The following MBP variants were observed in gnomAD, a reference collection of about 807,000 sequenced individuals.
MBP encodes myelin basic protein.
In MBP, 16 loss-of-function variants were observed where a neutral mutation model predicts 35.8. The ratio of observed to expected loss-of-function variants is 0.45; its 90% CI spans 0.30 to 0.68. MBP has a LOEUF of 0.68. Among genes scored for constraint, MBP ranks in the 30% least tolerant of loss-of-function variants. The pLI, the probability that MBP is intolerant of heterozygous loss-of-function variation, is 0.08. For missense variants in MBP, 380 were observed against 404.7 expected (o/e 0.94, Z 0.52); for synonymous variants, 143 against 159.6 (o/e 0.90, Z 0.78).
intron 3 of MBP, among the ~76,000 whole-genome samples, chr18:77,019,117 T>C (rs1228447174): frequency 6.6e-6 from 1 of 151,812 alleles, no homozygotes; most frequent in Non-Finnish European, 1.5e-5. Context: ...TAATGTACCA[T>C]TCTAAATATC....
chr18:77,001,229 G>T (rs1043036391), intron 4 of MBP, among the ~76,000 whole-genome samples: 1 of 152,044 alleles, frequency 6.6e-6, no homozygotes, highest in African/African-American at 2.4e-5. Flanking sequence ...TCAGCCTCCA[G>T]GTGGGACCAT....
intron 2 of MBP, among the ~76,000 whole-genome samples, chr18:77,068,262 G>T (rs558155330): frequency 6.6e-6 from 1 of 152,298 alleles, no homozygotes; most frequent in African/African-American, 2.4e-5. Flanking sequence ...GGTTTGGACT[G>T]AGCTCCTGCA....
At chr18:77,088,434 T>C (rs1975358535) in intron 2 of MBP, among the ~76,000 whole-genome samples, 1 of 152,198 alleles carries the variant, frequency 6.6e-6, no homozygotes, top group African/African-American at 2.4e-5. Context: ...GTATGACTGT[T>C]GGGGCCACCA....
At chr18:77,024,158 T>G (rs944858002) in intron 3 of MBP, among the ~76,000 whole-genome samples, 2 of 152,258 alleles carry the variant, frequency 1.3e-5, no homozygotes, top group African/African-American at 4.8e-5. Context: ...TTGTCCAACC[T>G]GCAGCCCACA....
chr18:77,105,057 T>C (rs202027267), intron 2 of MBP, among the ~76,000 whole-genome samples, 154 bp downstream of exon 2: 1 of 117,808 alleles, frequency 8.5e-6, no homozygotes, highest in South Asian at 2.8e-4. Flanking sequence ...CATAATTAAT[T>C]ATTAATAATA....
rs981412187 is a variant in MBP, at chr18:77,016,544, A to G, written c.576+288T>C. ...ATGTGGCTCTCTTTCTGCAACGCCC[A>G]TGTCCAGGCACCCTTAGAGATCCAG... On this transcript the variant is annotated intron_variant, in intron 4 of 8. Coordinates refer to ENST00000355994, the MANE Select transcript of MBP (RefSeq NM_001025101.2). 49 of 1,279,538 alleles carry G rather than the reference A, an allele frequency of 3.8e-5. 1 individual carries two copies. The highest frequency in any genetic ancestry group is 3.0e-4 in the Middle Eastern group (1 of 3,288). 79.3% of individuals were successfully genotyped at this position (1,279,538 alleles called of 1,614,324 possible).
chr18:77,072,295 T>A (rs963798679), intron 2 of MBP, among the ~76,000 whole-genome samples: 2 of 152,236 alleles, frequency 1.3e-5, no homozygotes. Context: ...GGCAGATATT[T>A]CTTTAAGTTT....
At chr18:77,062,810 C>T (rs1013411678) in intron 3 of MBP, among the ~76,000 whole-genome samples, 3 of 152,186 alleles carry the variant, frequency 2.0e-5, no homozygotes, top group Non-Finnish European at 4.4e-5. Context: ...AGTCTTAACT[C>T]GGGGACTCTC....
chr18:77,010,899 A>T (rs115370645), intron 4 of MBP, among the ~76,000 whole-genome samples: 282 of 152,332 alleles, frequency 1.9e-3, no homozygotes, highest in African/African-American at 6.4e-3. Context: ...AGACAGAGAG[A>T]GAAGAGAAAG....
chr18:77,021,739 C>T (rs972779564), intron 3 of MBP, among the ~76,000 whole-genome samples: 1 of 152,198 alleles, frequency 6.6e-6, no homozygotes, highest in Non-Finnish European at 1.5e-5. Flanking sequence ...TGCCTCGGCC[C>T]CGCAAAGTGC....
intron 3 of MBP, among the ~76,000 whole-genome samples, chr18:77,046,821 G>T (rs1184300359): frequency 6.6e-6 from 1 of 152,224 alleles, no homozygotes; most frequent in African/African-American, 2.4e-5. Context: ...TTGTTCTGGT[G>T]TAAGTACTGG....
intron 3 of MBP, among the ~76,000 whole-genome samples, chr18:77,041,402 A>G (rs1599126258): frequency 6.6e-6 from 1 of 152,192 alleles, no homozygotes; most frequent in African/African-American, 2.4e-5. Context: ...TAGAAATGCC[A>G]TTTGACCCAG....
chr18:77,006,316 C>T (rs1398443905), intron 4 of MBP: 1 of 152,376 alleles, frequency 6.6e-6, no homozygotes, highest in Non-Finnish European at 1.5e-5. Flanking sequence ...GCAGCCCCTT[C>T]CTGCTCAGGT....
Position 76,989,843 on chromosome 18 carries a change from G to T in MBP, c.681+113C>A, listed in dbSNP as rs753405658. The T allele has an allele frequency of 3.4e-6, 3 of 887,292 alleles. No individual in the cohort carries two copies. Among genetic ancestry groups the T allele is most frequent in the East Asian group, 5.2e-5 (2 of 38,206 alleles). 55.0% of individuals were successfully genotyped at this position (887,292 alleles called of 1,614,324 possible). A position where few individuals can be genotyped will look rare whatever the true frequency, so the allele number is the denominator to read the frequency against. On this transcript the variant is annotated intron_variant, in intron 5 of 8. Transcript: ENST00000355994. The surrounding 1 kb of genome is among the most constrained non-coding windows in gnomAD (Gnocchi z 4.0). ...GTTCCCCGGCCGGCCTCACCCTGAT[G>T]ATGACCCCGGTGCCACCCCCGAGCG...
intron 1 of MBP, among the ~76,000 whole-genome samples, chr18:77,119,514 C>G (rs983774718): frequency 1.3e-5 from 2 of 152,152 alleles, no homozygotes; most frequent in Non-Finnish European, 1.5e-5. Context: ...ACACAGCACA[C>G]AGTAGGCACA....
chr18:77,068,250 C>A (rs957801410), intron 2 of MBP, among the ~76,000 whole-genome samples: 4 of 152,192 alleles, frequency 2.6e-5, no homozygotes, highest in African/African-American at 9.7e-5. Context: ...TAAGAGGACA[C>A]TGGTTTGGAC....
At chr18:77,047,505 C>G (rs975043564) in intron 3 of MBP, among the ~76,000 whole-genome samples, 1 of 152,284 alleles carries the variant, frequency 6.6e-6, no homozygotes, top group Non-Finnish European at 1.5e-5. Flanking sequence ...AGAAGGACGT[C>G]TAGTGGCTCC....
rs1388907560 is a variant in MBP, at chr18:77,120,165, T to C, written c.-26+12415A>G. On this transcript the variant is annotated intron_variant, in intron 1 of 8. Transcript: ENST00000355994. ...GGTTCGCTCTCGCTTGGTGCGAGCA[T>C]TCTTCTGTGAATCCATTACGGGTCT... 4.6e-5 allele frequency among the ~76,000 whole-genome samples: 7 copies of C among 152,234 alleles called. No individual in the cohort carries two copies. The South Asian group carries it at 1.4e-3, about 32-fold the overall frequency.
chr18:77,122,838 C>T (rs1345617186), intron 1 of MBP, among the ~76,000 whole-genome samples: 2 of 152,184 alleles, frequency 1.3e-5, no homozygotes, highest in Admixed American at 6.5e-5. Flanking sequence ...CCACCGCGCC[C>T]GGCTAGTATA....
Sources: allele counts gnomAD v4.1 joint callset (sites outside exome capture counted in the v4.1 genomes callset), GRCh38; gene constraint gnomAD v4.1.1; non-coding constraint Gnocchi (gnomAD v3.1); transcripts MANE v1.5; gene names NCBI Gene and HGNC (gene_info 2026-07-23, HGNC 2026-07-21).